MAGI2: variants seen among roughly 807,000 people sequenced by gnomAD.
The protein encoded by MAGI2 is membrane associated guanylate kinase, WW and PDZ domain containing 2.
A neutral mutation model predicts 133.3 loss-of-function variants in MAGI2; 35 were observed. The ratio of observed to expected loss-of-function variants is 0.26; its 90% CI spans 0.20 to 0.35. MAGI2 has a LOEUF of 0.35. Ranked by LOEUF, MAGI2 falls within the 10% of genes least tolerant of loss-of-function variation. MAGI2 has a pLI of 1.00. For synonymous variants in MAGI2, 729 were observed against 710.6 expected, an observed-to-expected ratio of 1.03 and a Z score of -0.41; for missense variants, 1,636 against 1,863.4, an observed-to-expected ratio of 0.88 and a Z score of 2.25.
At chr7:79,045,760 C>A (rs1034567013) in intron 1 of MAGI2, among the ~76,000 whole-genome samples, 5 of 152,210 alleles carry the variant, frequency 3.3e-5, no homozygotes, top group African/African-American at 1.2e-4. Flanking sequence ...CCACTGCACT[C>A]CAGCCTGGGT....
chr7:79,382,466 G>C (rs1843860393), intron 1 of MAGI2, among the ~76,000 whole-genome samples: 1 of 151,394 alleles, frequency 6.6e-6, no homozygotes. Context: ...CCCAACTTGG[G>C]GTTAAGCCTA....
At chr7:78,969,133 G>A (rs918178472) in intron 2 of MAGI2, among the ~76,000 whole-genome samples, 2 of 152,002 alleles carry the variant, frequency 1.3e-5, no homozygotes, top group African/African-American at 4.8e-5. Flanking sequence ...GGGTCATGGC[G>A]CAGGACAAGT....
At chr7:78,941,739 C>T (rs956177187) in intron 2 of MAGI2, among the ~76,000 whole-genome samples, 1 of 146,130 alleles carries the variant, frequency 6.8e-6, no homozygotes, top group African/African-American at 2.7e-5. Flanking sequence ...CACACACACA[C>T]ACACACACAC....
At chr7:79,262,562 A>C (rs888176602) in intron 1 of MAGI2, among the ~76,000 whole-genome samples, 5 of 152,228 alleles carry the variant, frequency 3.3e-5, no homozygotes, top group African/African-American at 1.2e-4. Context: ...CAATGAGAAA[A>C]AAAGTAACAA....
intron 1 of MAGI2, among the ~76,000 whole-genome samples, chr7:79,274,547 A>G (rs868453434): frequency 1.3e-5 from 2 of 151,244 alleles, no homozygotes; most frequent in African/African-American, 2.4e-5. Flanking sequence ...AAATGACATC[A>G]TTACAAACAG....
intron 1 of MAGI2, among the ~76,000 whole-genome samples, chr7:79,028,277 GTA>G (rs1241170706): frequency 0.096 from 2,880 of 29,904 alleles, 101 homozygotes; most frequent in African/African-American, 0.21. Flanking sequence ...ATGTATGTAT[GTA>G]TATATATATA....
In MAGI2 at chr7:78,083,387, GGAGAGAGAGAGAGA is replaced by G. The variant is rs747230358; in HGVS notation, c.3568-4316_3568-4303del. ...GGGGGCGGGGGAGGGAGGGAGGGGGGGAGAGAGAGAGAGAGAGAGAGAGAGAGAGAGAGAGAGAG... is the reference window on the plus strand; with the variant it reads ...GGGGGCGGGGGAGGGAGGGAGGGGGGGAGAGAGAGAGAGAGAGAGAGAGAG... On this transcript the variant is annotated intron_variant, in intron 20 of 21. Coordinates refer to ENST00000354212, the MANE Select transcript of MAGI2 (RefSeq NM_012301.4). Among the ~76,000 whole-genome samples the G allele has an allele frequency of 5.1e-3, 169 of 33,304 alleles. 2 individuals carry two copies. Among genetic ancestry groups the G allele is most frequent in the African/African-American group, 0.013 (98 of 7,766 alleles). The allele number at this position is 33,304 out of a possible 152,430, so 21.8% of individuals were successfully genotyped here.
At chr7:78,646,887 A>G (rs888711678) in intron 2 of MAGI2, among the ~76,000 whole-genome samples, 3 of 152,144 alleles carry the variant, frequency 2.0e-5, no homozygotes, top group African/African-American at 7.2e-5. Flanking sequence ...TTAGAATCTT[A>G]CACTCTTGGT....
intron 3 of MAGI2, among the ~76,000 whole-genome samples, chr7:78,535,969 C>G (rs1797863939): frequency 6.6e-6 from 1 of 150,876 alleles, no homozygotes; most frequent in Non-Finnish European, 1.5e-5. Flanking sequence ...CCGGACCAAT[C>G]AGCACTCCCT....
intron 1 of MAGI2, among the ~76,000 whole-genome samples, chr7:79,398,353 T>C (rs574765244): frequency 3.3e-5 from 5 of 152,210 alleles, no homozygotes; most frequent in Non-Finnish European, 7.4e-5. Context: ...AGTCTTTGTC[T>C]TAAGGCCCAG....
At chr7:78,932,237 G>T (rs1751504671) in intron 2 of MAGI2, among the ~76,000 whole-genome samples, 1 of 151,986 alleles carries the variant, frequency 6.6e-6, no homozygotes, top group African/African-American at 2.4e-5. Flanking sequence ...TTCTTTTGTT[G>T]TTCTATTCTT....
chr7:78,929,941 A>C (rs560676626), intron 2 of MAGI2, among the ~76,000 whole-genome samples: 2 of 152,082 alleles, frequency 1.3e-5, no homozygotes, highest in Non-Finnish European at 2.9e-5. Context: ...GAATGTGTTT[A>C]TCCATTTCTT....
chr7:78,814,257 A>G (rs1404268651), intron 2 of MAGI2, among the ~76,000 whole-genome samples: 1 of 152,144 alleles, frequency 6.6e-6, no homozygotes, highest in Non-Finnish European at 1.5e-5. Context: ...TGCTGTCACT[A>G]TGACTTGTGA....
At position 78,946,154 on chromosome 7, in the gene MAGI2, T is replaced by C. The variant is rs551733261; in HGVS notation, c.418+60936A>G. Among the ~76,000 whole-genome samples the C allele has an allele frequency of 5.3e-5, 8 of 152,324 alleles. No individual in the cohort carries two copies. The South Asian group carries it at 1.2e-3, about 24-fold the overall frequency. ...TGAGATTATTTGAAAGAAAGCTGTT[T>C]AATATAATTGTTAGTTAGCATATTT... On this transcript the variant is annotated intron_variant, in intron 2 of 21. Coordinates refer to ENST00000354212, the MANE Select transcript of MAGI2 (RefSeq NM_012301.4).
At chr7:78,685,392 T>G (rs2151105464) in intron 2 of MAGI2, among the ~76,000 whole-genome samples, 1 of 152,178 alleles carries the variant, frequency 6.6e-6, no homozygotes, top group South Asian at 2.1e-4. Context: ...TAGGTTCACC[T>G]TTTCTGACAA....
At chr7:78,028,741 G>C (rs932683681) in intron 21 of MAGI2, among the ~76,000 whole-genome samples, 4 of 151,112 alleles carry the variant, frequency 2.6e-5, no homozygotes, top group African/African-American at 9.7e-5. Flanking sequence ...TGTAATCCCA[G>C]CTACTCGGGA....
At chr7:78,073,009 A>G in intron 21 of MAGI2, 1 of 398,592 alleles carries the variant, frequency 2.5e-6, no homozygotes, top group Admixed American at 4.4e-5. Flanking sequence ...ACTTATTGCT[A>G]TCTACATAGA....
At chr7:78,588,742 C>A (rs1442868484) in intron 3 of MAGI2, among the ~76,000 whole-genome samples, 1 of 152,140 alleles carries the variant, frequency 6.6e-6, no homozygotes, top group Non-Finnish European at 1.5e-5. Context: ...GAGAATTTGC[C>A]ATAATAAAGC....
intron 1 of MAGI2, among the ~76,000 whole-genome samples, chr7:79,388,909 A>T (rs2129148850): frequency 6.6e-6 from 1 of 151,566 alleles, no homozygotes; most frequent in Admixed American, 6.6e-5. Context: ...TCAAAAGAGA[A>T]TCACAGCAAT....
Sources: gnomAD v4.1 joint callset for allele counts (sites outside exome capture counted in the v4.1 genomes callset) on GRCh38, gnomAD v4.1.1 for gene constraint, MANE v1.5 for transcripts, NCBI Gene and HGNC (gene_info 2026-07-23, HGNC 2026-07-21) for gene names.